The following KIF13B variants were observed in gnomAD, a reference collection of about 807,000 sequenced individuals.
The protein encoded by KIF13B is kinesin-like protein KIF13B.
KIF13B carries 127 observed loss-of-function variants against 222.0 expected under a neutral mutation model. The ratio of observed to expected loss-of-function variants is 0.57; its 90% CI spans 0.50 to 0.66. The LOEUF (loss-of-function observed/expected upper bound fraction) is 0.66. Ranked by LOEUF, KIF13B falls within the 30% of genes least tolerant of loss-of-function variation. The pLI, the probability that KIF13B is intolerant of heterozygous loss-of-function variation, is 0.00. For missense variants in KIF13B, 2,173 were observed against 2,379.0 expected, an observed-to-expected ratio of 0.91 and a Z score of 1.80; for synonymous variants, 976 against 919.0, an observed-to-expected ratio of 1.06 and a Z score of -1.12.
intron 37 of KIF13B, among the ~76,000 whole-genome samples, chr8:29,076,321 G>C: frequency 6.6e-6 from 1 of 152,238 alleles, no homozygotes; most frequent in East Asian, 1.9e-4. Flanking sequence ...ACAGCCGCGG[G>C]TAGGGCTTCT....
intron 1 of KIF13B, 137 bp downstream of exon 1, chr8:29,262,843 G>T (rs1816736398): frequency 3.3e-6 from 2 of 599,732 alleles, no homozygotes; most frequent in African/African-American, 4.0e-5. Flanking sequence ...GCGGGTTTCA[G>T]GGTCCCCGGG....
intron 33 of KIF13B, 41 bp downstream of exon 33, chr8:29,109,877 C>T (rs758372262): frequency 1.2e-6 from 2 of 1,601,776 alleles, no homozygotes; most frequent in Non-Finnish European, 1.7e-6. Context: ...CAGCCTGCAT[C>T]AGGGCCTCTG....
intron 25 of KIF13B, 87 bp downstream of exon 25, chr8:29,127,035 C>A: frequency 1.7e-6 from 2 of 1,160,388 alleles, no homozygotes; most frequent in South Asian, 3.1e-5. Flanking sequence ...AAGAAATGTT[C>A]ATAAAAAGTA....
In KIF13B at chr8:29,071,478, G is replaced by GCCGCTC. The variant is rs906442923; in HGVS notation, c.5218+136_5218+141dup. ...CCCCAGCCTCACCCCTGCAGGCCCAGCCGCTCCCGCAGCTTCAGCCAAGCC... is the reference window on the plus strand; with the variant it reads ...CCCCAGCCTCACCCCTGCAGGCCCAGCCGCTCCCGCTCCCGCAGCTTCAGCCAAGCC... On this transcript the variant is annotated intron_variant, in intron 39 of 39. Coordinates refer to ENST00000524189, the MANE Select transcript of KIF13B (RefSeq NM_015254.4). This position sits in a 1 kb window ranked among gnomAD's most constrained non-coding sequence, Gnocchi z 4.9. The GCCGCTC allele has an allele frequency of 5.0e-4, 358 of 709,730 alleles. No homozygotes were observed. The highest frequency in any genetic ancestry group is 5.2e-4 in the Non-Finnish European group (220 of 426,230). 44.0% of individuals were successfully genotyped at this position (709,730 alleles called of 1,614,324 possible). A position where few individuals can be genotyped will look rare whatever the true frequency, so the allele number is the denominator to read the frequency against.
chr8:29,082,287 A>G (rs1441096720), intron 37 of KIF13B, among the ~76,000 whole-genome samples: 1 of 152,226 alleles, frequency 6.6e-6, no homozygotes, highest in Non-Finnish European at 1.5e-5. Flanking sequence ...CACCATTCAC[A>G]TGGTCTATAA....
intron 6 of KIF13B, among the ~76,000 whole-genome samples, chr8:29,183,025 TAA>T (rs1206604937): frequency 6.6e-6 from 1 of 152,096 alleles, no homozygotes; most frequent in Non-Finnish European, 1.5e-5. Context: ...AATCAAATTA[TAA>T]AAAAGAATGT....
At chr8:29,180,285 A>G in intron 7 of KIF13B, 47 bp from the exon 8 acceptor site, 6 of 1,592,060 alleles carry the variant, frequency 3.8e-6, no homozygotes, top group Middle Eastern at 3.3e-4. Flanking sequence ...CTTGTGTAAT[A>G]CACACTAAAA....
At chr8:29,117,105 GCCA>G (rs1489470583) in intron 30 of KIF13B, 98 bp from the exon 31 acceptor site, 1 of 1,063,916 alleles carries the variant, frequency 9.4e-7, no homozygotes, top group African/African-American at 1.6e-5. Context: ...AAGGGCACAT[GCCA>G]GTCACCAGCA....
At chr8:29,232,932 G>C (rs1339517585) in intron 2 of KIF13B, among the ~76,000 whole-genome samples, 3 of 152,122 alleles carry the variant, frequency 2.0e-5, no homozygotes, top group African/African-American at 7.2e-5. Context: ...CAAGGGGGTG[G>C]ATAACTTGAG....
Position 29,122,627 on chromosome 8 carries a change from C to G in KIF13B, c.3499G>C (p.Glu1167Gln). Residue 1167 changes from glutamate (E) to glutamine (Q), a missense_variant, in exon 29 of 40, where the codon GAG becomes CAG. This residue lies in a region of KIF13B where 1,480 missense variants were observed against 1,722.8 expected (regional missense o/e 0.86). Coordinates refer to ENST00000524189, the MANE Select transcript of KIF13B (RefSeq NM_015254.4). ...PAEWTPVPGM[E>Q]THIPVIFLDL... ...AGGAATATAACAGGAATGTGTGTCT[C>G]CATCCCAGGTACTGGGGTCCTAAAA... 2 of 1,609,574 alleles carry G rather than the reference C, an allele frequency of 1.2e-6. No homozygotes were observed. Among genetic ancestry groups the G allele is most frequent in the Non-Finnish European group, 1.7e-6 (2 of 1,177,874 alleles).
rs1028660585 is a variant in KIF13B at position 29,112,293 on chromosome 8, C to A, written c.3930+1170G>T. Among the ~76,000 whole-genome samples, 8 of 152,004 alleles carry A rather than the reference C, an allele frequency of 5.3e-5. No homozygotes were observed. In the East Asian group the frequency reaches 1.5e-3, roughly 29 times the overall value. ...ACTTAAAATACAAAAATTAGCTGGG[C>A]GTGGTGGCACGTGCCTGTAATCCCA... On this transcript the variant is annotated intron_variant, in intron 32 of 39. Coordinates refer to ENST00000524189, the MANE Select transcript of KIF13B (RefSeq NM_015254.4).
rs1164089967 is a variant in KIF13B at position 29,195,160 on chromosome 8, A to G, written c.162+1027T>C. Among the ~76,000 whole-genome samples the G allele has an allele frequency of 2.0e-5, 3 of 152,138 alleles. No homozygotes were observed. In the South Asian group the frequency reaches 6.2e-4, roughly 32 times the overall value. ...CTACTTAGGAGGCTGAGGCAGGAGA[A>G]TTGCTTGAACCCAGGAGGCAAAGAT... On this transcript the variant is annotated intron_variant, in intron 3 of 39. Coordinates refer to ENST00000524189, the MANE Select transcript of KIF13B (RefSeq NM_015254.4).
chr8:29,189,788 G>C (rs1279491849), intron 4 of KIF13B: 3 of 152,266 alleles, frequency 2.0e-5, no homozygotes, highest in Non-Finnish European at 2.9e-5. Context: ...GGCAATCTAA[G>C]GGGCGACCTT....
chr8:29,211,861 T>C (rs1586932124), intron 2 of KIF13B, among the ~76,000 whole-genome samples: 1 of 152,358 alleles, frequency 6.6e-6, no homozygotes, highest in South Asian at 2.1e-4. Context: ...TATTTACATA[T>C]ACATTTTTTT....
intron 36 of KIF13B, among the ~76,000 whole-genome samples, chr8:29,094,925 G>C: frequency 6.7e-6 from 1 of 148,700 alleles, no homozygotes; most frequent in Admixed American, 6.7e-5. Context: ...ACAGAGCCCT[G>C]GAAATCACAG....
chr8:29,199,081 A>ATTTTTTTTTTTTTTTTTTTTT (rs1435870446), intron 2 of KIF13B, among the ~76,000 whole-genome samples: 30 of 151,560 alleles, frequency 2.0e-4, no homozygotes, highest in African/African-American at 5.4e-4. Flanking sequence ...AAAAAAATAA[A>ATTTTTTTTTTTTTTTTTTTTT]ATTTTTTAAA....
chr8:29,100,116 A>G (rs1213479611), intron 35 of KIF13B, among the ~76,000 whole-genome samples: 2 of 152,240 alleles, frequency 1.3e-5, no homozygotes, highest in Non-Finnish European at 2.9e-5. Flanking sequence ...ATTCTCAATG[A>G]TGGAAGTCTC....
intron 2 of KIF13B, among the ~76,000 whole-genome samples, chr8:29,239,066 GA>G (rs1279585279): frequency 1.3e-5 from 2 of 152,030 alleles, no homozygotes; most frequent in Admixed American, 1.3e-4. Flanking sequence ...AAACAAAACA[GA>G]AAAGAAAGAA....
intron 26 of KIF13B, among the ~76,000 whole-genome samples, chr8:29,124,831 C>T (rs374589409): frequency 1.3e-5 from 2 of 150,586 alleles, no homozygotes; most frequent in East Asian, 2.0e-4. Context: ...TGCAATGAGC[C>T]GAGACTGTGC....
Sources: gnomAD v4.1 joint callset for allele counts (sites outside exome capture counted in the v4.1 genomes callset) on GRCh38, gnomAD v4.1.1 for gene constraint, gnomAD v4.1.1 regional missense constraint, Gnocchi (gnomAD v3.1) non-coding constraint, MANE v1.5 for transcripts, NCBI Gene and HGNC (gene_info 2026-07-23, HGNC 2026-07-21) for gene names.